The following GHR variants were observed in gnomAD, a reference collection of about 807,000 sequenced individuals.
GHR encodes the protein GH receptor.
In GHR, 35 loss-of-function variants were observed where a neutral mutation model predicts 67.1. That is an observed-to-expected ratio of 0.52 (90% CI 0.40 to 0.69). GHR has a LOEUF of 0.69. Among genes scored for constraint, GHR ranks in the 30% least tolerant of loss-of-function variants. GHR has a pLI of 0.00. For synonymous variants in GHR, 272 were observed against 269.1 expected (o/e 1.01, Z -0.10); for missense variants, 792 against 764.6 (o/e 1.04, Z -0.42).
intron 1 of GHR, among the ~76,000 whole-genome samples, chr5:42,449,269 G>A (rs1486655463): frequency 1.3e-5 from 2 of 152,126 alleles, no homozygotes; most frequent in African/African-American, 4.8e-5. Flanking sequence ...CCACAAGTGT[G>A]GGATGTGTTT....
At chr5:42,447,265 C>A (rs1462658506) in intron 1 of GHR, among the ~76,000 whole-genome samples, 1 of 152,074 alleles carries the variant, frequency 6.6e-6, no homozygotes, top group Non-Finnish European at 1.5e-5. Flanking sequence ...ATACACTGTA[C>A]CCAGTGTGTA....
intron 1 of GHR, among the ~76,000 whole-genome samples, chr5:42,436,919 T>A (rs2111931561): frequency 6.6e-6 from 1 of 152,310 alleles, no homozygotes; most frequent in African/African-American, 2.4e-5. Context: ...CATGAATAAC[T>A]AGGTTAACCA....
chr5:42,650,120 G>GA (rs1013982841), intron 3 of GHR, among the ~76,000 whole-genome samples: 7 of 151,840 alleles, frequency 4.6e-5, no homozygotes, highest in Non-Finnish European at 8.8e-5. Context: ...TGTCAAGAAA[G>GA]AAAAAAAATA....
At chr5:42,474,257 C>CAGACAGACAGAA (rs1182799025) in intron 1 of GHR, among the ~76,000 whole-genome samples, 59 of 88,034 alleles carry the variant, frequency 6.7e-4, no homozygotes, top group African/African-American at 2.3e-3. Context: ...GAAAGACAGA[C>CAGACAGACAGAA]AGAAAGAAAG....
At chr5:42,451,654 C>G (rs557210661) in intron 1 of GHR, among the ~76,000 whole-genome samples, 24 of 140,228 alleles carry the variant, frequency 1.7e-4, no homozygotes, top group Admixed American at 1.1e-3. Flanking sequence ...CATAGTGAGC[C>G]AAGATTGCAC....
chr5:42,635,012 A>C (rs1272267920), intron 3 of GHR, among the ~76,000 whole-genome samples: 2 of 152,116 alleles, frequency 1.3e-5, no homozygotes, highest in Middle Eastern at 3.2e-3. Context: ...AAAAACAAAA[A>C]AAAAAAAACT....
At chr5:42,588,351 C>G (rs561654479) in intron 2 of GHR, among the ~76,000 whole-genome samples, 26 of 151,822 alleles carry the variant, frequency 1.7e-4, no homozygotes, top group African/African-American at 5.8e-4. Flanking sequence ...AACCCCGTCT[C>G]TACTAAAAAT....
At chr5:42,540,244 T>G (rs1037531379) in intron 1 of GHR, among the ~76,000 whole-genome samples, 17 of 152,044 alleles carry the variant, frequency 1.1e-4, no homozygotes, top group Non-Finnish European at 1.5e-4. Flanking sequence ...TCTCTTCATC[T>G]CTCTTCTGCA....
intron 1 of GHR, chr5:42,466,981 G>T (rs2112077635): frequency 3.8e-6 from 6 of 1,574,460 alleles, no homozygotes; most frequent in South Asian, 2.3e-5. Flanking sequence ...CTTCTCCCCA[G>T]TGTGGGTTCT....
chr5:42,705,591 T>C (rs1226336286), intron 6 of GHR, among the ~76,000 whole-genome samples: 2 of 152,006 alleles, frequency 1.3e-5, no homozygotes, highest in East Asian at 3.9e-4. Flanking sequence ...GTATCTGTGG[T>C]TTCAGTCTTC....
At chr5:42,539,201 CT>C (rs1748392744) in intron 1 of GHR, among the ~76,000 whole-genome samples, 1 of 151,796 alleles carries the variant, frequency 6.6e-6, no homozygotes, top group Non-Finnish European at 1.5e-5. Context: ...AGATTTTTTT[CT>C]TGGTTTGGAT....
chr5:42,525,990 A>C (rs1747690917), intron 1 of GHR, among the ~76,000 whole-genome samples: 1 of 152,180 alleles, frequency 6.6e-6, no homozygotes, highest in South Asian at 2.1e-4. Context: ...AAACAAACTA[A>C]TACAGTGTCC....
chr5:42,666,728 C>T (rs1756001742), intron 3 of GHR, among the ~76,000 whole-genome samples: 1 of 152,134 alleles, frequency 6.6e-6, no homozygotes, highest in South Asian at 2.1e-4. Context: ...CATCTGTGAA[C>T]TTATCAAAAG....
At chr5:42,715,167 T>C in intron 8 of GHR, 1 of 286,994 alleles carries the variant, frequency 3.5e-6, no homozygotes, top group Non-Finnish European at 7.2e-6. Flanking sequence ...TCTCCCAAAT[T>C]TCCTGCACTA....
chr5:42,468,673 C>G (rs1744852028), intron 1 of GHR: 1 of 1,012,346 alleles, frequency 9.9e-7, no homozygotes, highest in African/African-American at 1.6e-5. Flanking sequence ...AGCTATTTGC[C>G]TGCCGCCTTG....
intron 2 of GHR, among the ~76,000 whole-genome samples, chr5:42,623,952 C>T (rs573450475): frequency 2.1e-4 from 32 of 152,262 alleles, no homozygotes; most frequent in African/African-American, 7.7e-4. Context: ...AGGTACATGG[C>T]TCTGATGCTA....
intron 1 of GHR, among the ~76,000 whole-genome samples, chr5:42,521,268 T>C (rs1288518071): frequency 6.6e-6 from 1 of 152,164 alleles, no homozygotes; most frequent in East Asian, 1.9e-4. Context: ...CGCCAAAAAT[T>C]CTTCTGTTTC....
chr5:42,595,312 TGG>T (rs1752008889), intron 2 of GHR, among the ~76,000 whole-genome samples: 1 of 152,212 alleles, frequency 6.6e-6, no homozygotes, highest in Non-Finnish European at 1.5e-5. Flanking sequence ...ATAATATCTG[TGG>T]GAGAAATGCT....
At chr5:42,547,616 T>C (rs1748798004) in intron 1 of GHR, among the ~76,000 whole-genome samples, 1 of 152,190 alleles carries the variant, frequency 6.6e-6, no homozygotes, top group African/African-American at 2.4e-5. Context: ...AACTACGTTT[T>C]CTAAATGCTG....
Sources: allele counts gnomAD v4.1 joint callset (sites outside exome capture counted in the v4.1 genomes callset), GRCh38; gene constraint gnomAD v4.1.1; transcripts MANE v1.5; gene names NCBI Gene and HGNC (gene_info 2026-07-23, HGNC 2026-07-21).